The following ADAMTSL3 variants were observed in gnomAD, a reference collection of about 807,000 sequenced individuals.
The protein encoded by ADAMTSL3 is ADAMTS like 3.
Under a neutral mutation model 201.7 loss-of-function variants are expected in ADAMTSL3, and 128 were observed. That is an observed-to-expected ratio of 0.63 (90% CI 0.55 to 0.73). The LOEUF is 0.73. ADAMTSL3 is among the 30% of genes least tolerant of loss of function. ADAMTSL3 has a pLI of 0.00. For missense variants in ADAMTSL3, 1,990 were observed against 2,119.6 expected (o/e 0.94, Z 1.20); for synonymous variants, 738 against 748.4 (o/e 0.99, Z 0.23).
intron 2 of ADAMTSL3, among the ~76,000 whole-genome samples, chr15:83,671,391 A>G (rs2061327368): frequency 6.6e-6 from 1 of 152,200 alleles, no homozygotes; most frequent in East Asian, 1.9e-4. Flanking sequence ...AATTTGATCA[A>G]TATAAAATAC....
chr15:84,032,834 G>T (rs1183022349), intron 28 of ADAMTSL3, among the ~76,000 whole-genome samples: 1 of 152,106 alleles, frequency 6.6e-6, no homozygotes, highest in South Asian at 2.1e-4. Flanking sequence ...GGTACAAAGG[G>T]TAATATTTTT....
chr15:84,031,439 G>A lies in ADAMTSL3; in HGVS notation c.4754+7G>A, dbSNP rs749126880. ...ACTGTGATGACAGAAAGAGGTAGGG[G>A]CCCCACCCCAGAGCAGCACACATTC... On this transcript the variant is annotated splice_region_variant and intron_variant, in intron 28 of 29. Coordinates refer to ENST00000286744, the MANE Select transcript of ADAMTSL3 (RefSeq NM_207517.3). 50 of 1,613,758 alleles carry A rather than the reference G, an allele frequency of 3.1e-5. No homozygotes were observed. The highest frequency in any genetic ancestry group is 4.2e-5 in the Non-Finnish European group (50 of 1,179,906).
chr15:84,032,972 G>A (rs2068435774), intron 28 of ADAMTSL3, among the ~76,000 whole-genome samples: 1 of 152,108 alleles, frequency 6.6e-6, no homozygotes, highest in Non-Finnish European at 1.5e-5. Context: ...ACATGATATA[G>A]GTTTGCAGTC....
At chr15:83,970,436 C>G (rs1381965285) in intron 19 of ADAMTSL3, 48 bp from the exon 20 acceptor site, 2 of 1,609,444 alleles carry the variant, frequency 1.2e-6, no homozygotes, top group Non-Finnish European at 1.7e-6. Context: ...TTGGCTGGGT[C>G]TGCCTGCTCA....
intron 3 of ADAMTSL3, among the ~76,000 whole-genome samples, chr15:83,766,364 G>A (rs2062890828): frequency 6.6e-6 from 1 of 152,224 alleles, no homozygotes; most frequent in African/African-American, 2.4e-5. Context: ...GAAAATGAAC[G>A]AATGCATGTG....
chr15:83,665,034 T>C (rs1043501654), intron 2 of ADAMTSL3, among the ~76,000 whole-genome samples: 1 of 152,142 alleles, frequency 6.6e-6, no homozygotes, highest in African/African-American at 2.4e-5. Context: ...CATTGGACCA[T>C]GGGGACACAC....
At chr15:83,900,403 G>A (rs886246801) in intron 15 of ADAMTSL3, among the ~76,000 whole-genome samples, 1 of 152,206 alleles carries the variant, frequency 6.6e-6, no homozygotes, top group Non-Finnish European at 1.5e-5. Context: ...CATTCTGGAG[G>A]CAGTTATATA....
At chr15:83,897,631 A>C (rs986489834) in intron 13 of ADAMTSL3, among the ~76,000 whole-genome samples, 2 of 152,190 alleles carry the variant, frequency 1.3e-5, no homozygotes, top group African/African-American at 2.4e-5. Flanking sequence ...TCTCACCTTA[A>C]ATACTTTTTG....
intron 13 of ADAMTSL3, among the ~76,000 whole-genome samples, chr15:83,893,763 T>A (rs1389986175): frequency 6.6e-6 from 1 of 152,186 alleles, no homozygotes. Context: ...AAGAGATGAC[T>A]GAGTAAGCCT....
intron 25 of ADAMTSL3, among the ~76,000 whole-genome samples, chr15:84,019,070 C>CACACAT (rs1242137111): frequency 8.1e-6 from 1 of 123,110 alleles, no homozygotes. Flanking sequence ...CCCCACCACA[C>CACACAT]ACACATACAC....
intron 5 of ADAMTSL3, among the ~76,000 whole-genome samples, 156 bp from the exon 6 acceptor site, chr15:83,819,655 T>G (rs915131314): frequency 4.1e-5 from 4 of 98,364 alleles, no homozygotes; most frequent in Admixed American, 1.3e-4. Flanking sequence ...ACATTCAACG[T>G]TGAATCAAAA....
At position 83,701,969 on chromosome 15, in the gene ADAMTSL3, C is replaced by T. The variant is rs1004625580; in HGVS notation, c.70-2420C>T. On this transcript the variant is annotated intron_variant, in intron 2 of 29. Transcript: ENST00000286744. The stretch of plus-strand genomic sequence containing the variant: ...GAAAATGTGGGAAAGTTTGGAACTC[C>T]GGAGAGACTTGTTGATTGCCTTTAC... 1.3e-4 allele frequency among the ~76,000 whole-genome samples: 20 copies of T among 152,204 alleles called. 1 individual carries two copies. Among genetic ancestry groups the T allele is most frequent in the Admixed American group, 3.9e-4 (6 of 15,294 alleles).
chr15:83,967,588 G>A (rs1387715834), intron 19 of ADAMTSL3, among the ~76,000 whole-genome samples: 1 of 152,168 alleles, frequency 6.6e-6, no homozygotes, highest in Admixed American at 6.5e-5. Flanking sequence ...AATCAATATT[G>A]TGAAAATGGC....
intron 2 of ADAMTSL3, among the ~76,000 whole-genome samples, chr15:83,672,569 T>G (rs2061342087): frequency 6.6e-6 from 1 of 152,226 alleles, no homozygotes; most frequent in South Asian, 2.1e-4. Context: ...GGAGGAAAGT[T>G]GCCCATTTGT....
At chr15:84,013,505 T>C (rs1052310344) in intron 23 of ADAMTSL3, among the ~76,000 whole-genome samples, 1 of 152,210 alleles carries the variant, frequency 6.6e-6, no homozygotes, top group African/African-American at 2.4e-5. Context: ...ATTCCAGCTC[T>C]TAAGAGCCAG....
intron 4 of ADAMTSL3, among the ~76,000 whole-genome samples, chr15:83,782,926 A>G (rs1263866597): frequency 6.8e-6 from 1 of 148,028 alleles, no homozygotes; most frequent in Non-Finnish European, 1.5e-5. Flanking sequence ...ATATATATAT[A>G]TATTATATGT....
chr15:83,762,815 A>G (rs2062828733), intron 3 of ADAMTSL3, among the ~76,000 whole-genome samples: 1 of 152,218 alleles, frequency 6.6e-6, no homozygotes, highest in Non-Finnish European at 1.5e-5. Context: ...TTACTTCTGG[A>G]AAATAATGCC....
chr15:83,816,417 A>T (rs533772805), intron 5 of ADAMTSL3, among the ~76,000 whole-genome samples: 35 of 152,290 alleles, frequency 2.3e-4, no homozygotes, highest in Non-Finnish European at 3.4e-4. Context: ...CTGACATCCT[A>T]AGGTGTCTTC....
At chr15:83,865,929 C>G (rs2064965656) in intron 8 of ADAMTSL3, among the ~76,000 whole-genome samples, 1 of 151,920 alleles carries the variant, frequency 6.6e-6, no homozygotes, top group South Asian at 2.1e-4. Context: ...AAAAAACAGC[C>G]CCATCAAAAA....
Sources: gnomAD v4.1 joint callset for allele counts (sites outside exome capture counted in the v4.1 genomes callset) on GRCh38, gnomAD v4.1.1 for gene constraint, MANE v1.5 for transcripts, NCBI Gene and HGNC (gene_info 2026-07-23, HGNC 2026-07-21) for gene names.